Variants in ARHGAP28 observed in about 807,000 individuals in gnomAD.
ARHGAP28 encodes the protein rho GTPase-activating protein 28.
In ARHGAP28, 56 loss-of-function variants were observed where a neutral mutation model predicts 90.7. The ratio of observed to expected loss-of-function variants is 0.62; its 90% CI spans 0.50 to 0.77. The LOEUF (loss-of-function observed/expected upper bound fraction) is 0.77. Ranked by LOEUF, ARHGAP28 falls within the 30% of genes least tolerant of loss-of-function variation. ARHGAP28 has a pLI of 0.00. For synonymous variants in ARHGAP28, 308 were observed against 323.3 expected (o/e 0.95, Z 0.51); for missense variants, 869 against 900.9 (o/e 0.96, Z 0.45).
Position 6,898,909 on chromosome 18 carries a change from T to TA in ARHGAP28, c.2030+2287dup, listed in dbSNP as rs1399331308. Reference sequence around the variant, plus strand: ...GCAAAAGGGGGAAGAGGGTGAGGGATAAAAGACTATAAATTGGGTTCAGTG... The same window carrying TA: ...GCAAAAGGGGGAAGAGGGTGAGGGATAAAAAGACTATAAATTGGGTTCAGTG... On this transcript the variant is annotated intron_variant, in intron 16 of 17. Transcript: ENST00000383472. 2.1e-3 allele frequency among the ~76,000 whole-genome samples: 312 copies of TA among 152,128 alleles called. 1 individual carries two copies. Among genetic ancestry groups the TA allele is most frequent in the African/African-American group, 7.2e-3 (297 of 41,496 alleles).
At chr18:6,822,127 G>A (rs2056630994) in intron 1 of ARHGAP28, among the ~76,000 whole-genome samples, 1 of 151,980 alleles carries the variant, frequency 6.6e-6, no homozygotes, top group South Asian at 2.1e-4. Context: ...ACAGATGGGA[G>A]GAAAAGACCT....
chr18:6,773,830 G>T (rs1399963645), intron 1 of ARHGAP28, among the ~76,000 whole-genome samples: 2 of 152,156 alleles, frequency 1.3e-5, no homozygotes, highest in South Asian at 2.1e-4. Flanking sequence ...TGTAAAAATT[G>T]TCCTCACACA....
At position 6,873,704 on chromosome 18, in the gene ARHGAP28, C is replaced by G; in HGVS notation, c.1141C>G (p.Pro381Ala). 1 of 1,613,660 alleles carries G rather than the reference C, an allele frequency of 6.2e-7. No individual in the cohort carries two copies. Among genetic ancestry groups the G allele is most frequent in the South Asian group, 1.1e-5 (1 of 91,044 alleles). The change falls in exon 9 of 18, where the codon CCA (proline) becomes GCA (alanine). Residue 381 changes from proline to alanine, a missense_variant. Transcript: ENST00000383472. The stretch of plus-strand genomic sequence containing the variant: ...TGAAGACAATGGGATTTTTGGAGTT[C>G]CACTTACAGTCCTCCTGGACGGTGA... ...KGRDNGIFGVPLTVLLDGDRK... is the reference protein window; with the variant it reads ...KGRDNGIFGVALTVLLDGDRK...
At chr18:6,823,971 C>A (rs2056643549) in intron 1 of ARHGAP28, among the ~76,000 whole-genome samples, 1 of 152,120 alleles carries the variant, frequency 6.6e-6, no homozygotes, top group Admixed American at 6.5e-5. Context: ...ATTTTACATT[C>A]CTGCCAACAG....
chr18:6,896,702 C>T (rs1003063702), intron 16 of ARHGAP28, 76 bp downstream of exon 16: 2 of 1,542,118 alleles, frequency 1.3e-6, no homozygotes, highest in Non-Finnish European at 1.8e-6. Context: ...TAGGCATTTA[C>T]AAATTTGACC....
At chr18:6,790,369 T>C (rs1289497247) in intron 1 of ARHGAP28, 1 of 152,328 alleles carries the variant, frequency 6.6e-6, no homozygotes, top group East Asian at 1.9e-4. Flanking sequence ...AAGATAGTTT[T>C]GTTGGATTTG....
In ARHGAP28 at chr18:6,837,262, G is replaced by A. The variant is rs1287647952; in HGVS notation, c.391G>A (p.Glu131Lys). The A allele has an allele frequency of 1.9e-6, 3 of 1,602,228 alleles. No homozygotes were observed. The highest frequency in any genetic ancestry group is 1.3e-5 in the African/African-American group (1 of 74,306). The stretch of plus-strand genomic sequence containing the variant: ...ATCAACTCTGATCTCAGGTGATGAA[G>A]AGGAAGATGGCAAAGCCTTGCTCTC... ...GLSTLISGDE[E>K]EDGKALLSTL... The change falls in exon 3 of 18, where the codon GAG becomes AAG. Residue 131 changes from glutamate to lysine, a missense_variant. Physicochemically the swap from Glu to Lys is moderately conservative, Grantham distance 56 (BLOSUM62 1). Coordinates refer to ENST00000383472, the MANE Select transcript of ARHGAP28 (RefSeq NM_001366230.1).
chr18:6,754,709 A>T (rs575144536), intron 1 of ARHGAP28: 3 of 152,312 alleles, frequency 2.0e-5, no homozygotes, highest in African/African-American at 7.2e-5. Context: ...AAGGATCTTC[A>T]TAAGTAATAT....
intron 1 of ARHGAP28, among the ~76,000 whole-genome samples, chr18:6,824,065 G>A (rs1440538835): frequency 1.3e-5 from 2 of 152,126 alleles, no homozygotes; most frequent in Non-Finnish European, 2.9e-5. Flanking sequence ...ACCACCTAAT[G>A]GTTGTGAGCA....
At chr18:6,879,405 G>A (rs2057159551) in intron 10 of ARHGAP28, among the ~76,000 whole-genome samples, 2 of 152,048 alleles carry the variant, frequency 1.3e-5, no homozygotes, top group South Asian at 2.1e-4. Flanking sequence ...TTGCATTTTT[G>A]CTGAAGGGAG....
chr18:6,859,340 CA>C (rs932991911), intron 4 of ARHGAP28, among the ~76,000 whole-genome samples: 5 of 152,160 alleles, frequency 3.3e-5, no homozygotes, highest in Admixed American at 2.0e-4. Context: ...TCTTGGTGCC[CA>C]TTGTCCTCAT....
At chr18:6,881,648 G>A (rs957650723) in intron 10 of ARHGAP28, among the ~76,000 whole-genome samples, 1 of 152,208 alleles carries the variant, frequency 6.6e-6, no homozygotes, top group South Asian at 2.1e-4. Flanking sequence ...TCATAGGTTT[G>A]CATGTTGCAG....
At chr18:6,902,947 A>G (rs912295012) in intron 16 of ARHGAP28, among the ~76,000 whole-genome samples, 2 of 152,206 alleles carry the variant, frequency 1.3e-5, no homozygotes, top group African/African-American at 4.8e-5. Context: ...TAAGCAAAAT[A>G]TGGTATATAC....
intron 16 of ARHGAP28, 23 bp downstream of exon 16, chr18:6,896,649 C>G (rs756748516): frequency 8.7e-6 from 14 of 1,612,850 alleles, no homozygotes; most frequent in African/African-American, 1.3e-5. Context: ...GAATGAAGGT[C>G]TCTGCACAAG....
intron 1 of ARHGAP28, among the ~76,000 whole-genome samples, chr18:6,751,568 T>C (rs1037705168): frequency 3.3e-5 from 5 of 152,180 alleles, no homozygotes; most frequent in Non-Finnish European, 5.9e-5. Context: ...GGAATATACA[T>C]GGAAATTGAT....
intron 1 of ARHGAP28, among the ~76,000 whole-genome samples, chr18:6,776,942 G>A (rs1264864651): frequency 1.3e-5 from 2 of 152,148 alleles, no homozygotes; most frequent in African/African-American, 4.8e-5. Context: ...AGTTTGAAAA[G>A]GTAAGCTGAG....
intron 11 of ARHGAP28, among the ~76,000 whole-genome samples, chr18:6,883,647 A>G (rs1408789399): frequency 2.0e-5 from 3 of 152,234 alleles, no homozygotes; most frequent in Non-Finnish European, 4.4e-5. Flanking sequence ...CATAAAAATT[A>G]CAATGAAAGA....
chr18:6,788,628 AT>A (rs2056383877), intron 1 of ARHGAP28: 1 of 151,248 alleles, frequency 6.6e-6, no homozygotes, highest in Non-Finnish European at 1.5e-5. Context: ...CACCCAGCTA[AT>A]TTTTTTGTAT....
chr18:6,828,316 G>C (rs140862833), intron 2 of ARHGAP28, among the ~76,000 whole-genome samples: 12 of 152,090 alleles, frequency 7.9e-5, no homozygotes, highest in Admixed American at 1.3e-4. Context: ...GTCCAGCTTC[G>C]GCTCGGCATC....
Sources: gnomAD v4.1 joint callset for allele counts (sites outside exome capture counted in the v4.1 genomes callset) on GRCh38, gnomAD v4.1.1 for gene constraint, MANE v1.5 for transcripts, NCBI Gene and HGNC (gene_info 2026-07-23, HGNC 2026-07-21) for gene names.